ANO10: variants seen among roughly 807,000 people sequenced by gnomAD.
ANO10 encodes the protein anoctamin-10.
ANO10 carries 77 observed loss-of-function variants against 74.7 expected under a neutral mutation model. The ratio of observed to expected loss-of-function variants is 1.03; its 90% CI spans 0.86 to 1.25. ANO10 has a LOEUF of 1.25. Among genes scored for constraint, ANO10 ranks in the 50% most tolerant of loss-of-function variants. The probability of loss-of-function intolerance (pLI) is 0.00; values close to 1 mark genes in which losing one functional copy is unlikely to be tolerated. For synonymous variants in ANO10, 279 were observed against 284.9 expected (o/e 0.98, Z 0.21); for missense variants, 721 against 778.1 (o/e 0.93, Z 0.87).
At chr3:43,566,200 C>T (rs370159604) in intron 7 of ANO10, among the ~76,000 whole-genome samples, 1 of 152,188 alleles carries the variant, frequency 6.6e-6, no homozygotes, top group East Asian at 1.9e-4. Flanking sequence ...CACGGAGTCT[C>T]GCTGATTGCT....
rs558628834 is a variant in ANO10, at chr3:43,656,800, C to T, written c.-12+34717G>A. 3.9e-5 allele frequency among the ~76,000 whole-genome samples: 6 copies of T among 152,338 alleles called. No individual in the cohort carries two copies. In the South Asian group the frequency reaches 6.2e-4, roughly 16 times the overall value. ...TGCACACAGCCCGGGTTCCTGCTCG[C>T]GCCTCTCCCTCCACACCTCCCTGCA... is the stretch of plus-strand genomic sequence containing the variant. On this transcript the variant is annotated intron_variant, in intron 1 of 3. Transcript: ENST00000413397.
rs371985258 is a variant in ANO10 at position 43,469,038 on chromosome 3, C to CTTTTTTT, written c.1798-36318_1798-36312dup. On this transcript the variant is annotated intron_variant, in intron 11 of 12. Transcript: ENST00000292246. Reference sequence around the variant, plus strand: ...TTTTCAATCCTACATCAATTAGCTGCTTTTTTTTTTTTTTTTTTTTTTGAG... The same window carrying CTTTTTTT: ...TTTTCAATCCTACATCAATTAGCTGCTTTTTTTTTTTTTTTTTTTTTTTTTTTTTGAG... 3.3e-4 allele frequency among the ~76,000 whole-genome samples: 23 copies of CTTTTTTT among 70,362 alleles called. 1 individual carries two copies. Among genetic ancestry groups the CTTTTTTT allele is most frequent in the Non-Finnish European group, 3.9e-4 (16 of 40,918 alleles). The allele number at this position is 70,362 out of a possible 152,430, so 46.2% of individuals were successfully genotyped here.
chr3:43,432,449 T>TTA (rs2092997206), intron 12 of ANO10, among the ~76,000 whole-genome samples, 162 bp downstream of exon 12: 1 of 152,204 alleles, frequency 6.6e-6, no homozygotes, highest in Admixed American at 6.5e-5. Flanking sequence ...GCTCATATTG[T>TTA]TAGGATTTTG....
upstream of ANO10, among the ~76,000 whole-genome samples, chr3:43,624,514 C>G (rs1482064360): frequency 6.6e-6 from 1 of 152,166 alleles, no homozygotes; most frequent in Admixed American, 6.5e-5. Flanking sequence ...GCATCTTGCT[C>G]TCTCTCTGTT....
chr3:43,415,286 T>A (rs2092721759), intron 12 of ANO10, among the ~76,000 whole-genome samples: 1 of 151,716 alleles, frequency 6.6e-6, no homozygotes, highest in South Asian at 2.1e-4. Context: ...TGTGCCCATT[T>A]TACAGAGGAA....
intron 11 of ANO10, among the ~76,000 whole-genome samples, chr3:43,462,492 A>G (rs912728776): frequency 1.3e-5 from 2 of 152,132 alleles, no homozygotes; most frequent in African/African-American, 4.8e-5. Context: ...CGGCCTCCCA[A>G]AGTGGTGGGA....
At position 43,593,832 on chromosome 3, in the gene ANO10, C is replaced by T. The variant is rs7625580; in HGVS notation, c.472+4700G>A. 9.2e-3 allele frequency among the ~76,000 whole-genome samples: 1,402 copies of T among 152,230 alleles called. 16 individuals are homozygous for T. Among genetic ancestry groups the T allele is most frequent in the African/African-American group, 0.028 (1,179 of 41,522 alleles). ...CAGACTGGCAAATTGGATAAAGAGT[C>T]GAGACCCATCAGTATGCTGTATTCA... On this transcript the variant is annotated intron_variant, in intron 4 of 12. Transcript: ENST00000292246.
At chr3:43,530,890 GTA>G (rs749489368) in intron 11 of ANO10, among the ~76,000 whole-genome samples, 5 of 152,082 alleles carry the variant, frequency 3.3e-5, no homozygotes, top group Non-Finnish European at 5.9e-5. Context: ...GTGTGTGTGT[GTA>G]TGTGTGTGTG....
At chr3:43,451,314 C>T (rs2074858636) in intron 11 of ANO10, among the ~76,000 whole-genome samples, 1 of 152,216 alleles carries the variant, frequency 6.6e-6, no homozygotes, top group Non-Finnish European at 1.5e-5. Context: ...CCTGAGGCTG[C>T]TGTACCCACC....
At chr3:43,372,631 T>A (rs1231474851) in intron 12 of ANO10, 7 of 509,610 alleles carry the variant, frequency 1.4e-5, no homozygotes, top group Non-Finnish European at 2.5e-5. Flanking sequence ...CCCGTCACCA[T>A]CCCATCCCTC....
At position 43,415,529 on chromosome 3, in the gene ANO10, TTTTC is replaced by T. The variant is rs559233670; in HGVS notation, c.1914+17078_1914+17081del. 6.4e-3 allele frequency among the ~76,000 whole-genome samples: 969 copies of T among 151,864 alleles called. 8 individuals are homozygous for T. Among genetic ancestry groups the T allele is most frequent in the African/African-American group, 0.019 (783 of 41,350 alleles). ...GTGAATAAAAATGACAGTTCTTATT[TTTTC>T]TTTCTTTCTTTCTTTTTTTTTTGAG... On this transcript the variant is annotated intron_variant, in intron 12 of 12. Coordinates refer to ENST00000292246, the MANE Select transcript of ANO10 (RefSeq NM_018075.5).
At chr3:43,484,463 C>A (rs1188912634) in intron 11 of ANO10, among the ~76,000 whole-genome samples, 1 of 152,096 alleles carries the variant, frequency 6.6e-6, no homozygotes, top group East Asian at 1.9e-4. Flanking sequence ...GATGCAAATT[C>A]CCCCCACAAG....
chr3:43,565,986 T>C (rs1400756596), intron 7 of ANO10, among the ~76,000 whole-genome samples: 2 of 152,008 alleles, frequency 1.3e-5, no homozygotes, highest in Non-Finnish European at 2.9e-5. Flanking sequence ...GCGCACCGTG[T>C]GCGAGCCGAA....
chr3:43,484,901 T>C (rs1174445198), intron 11 of ANO10: 3 of 666,264 alleles, frequency 4.5e-6, no homozygotes, highest in Non-Finnish European at 7.6e-6. Flanking sequence ...GCATTTACAG[T>C]TTATGTCTTT....
chr3:43,566,711 G>C (rs1029768156), intron 7 of ANO10, among the ~76,000 whole-genome samples: 2 of 152,168 alleles, frequency 1.3e-5, no homozygotes, highest in Admixed American at 1.3e-4. Flanking sequence ...AAGACCAAAA[G>C]TAGATAAAAC....
chr3:43,470,015 T>C (rs1447393250), intron 11 of ANO10, among the ~76,000 whole-genome samples: 2 of 152,228 alleles, frequency 1.3e-5, no homozygotes, highest in Non-Finnish European at 1.5e-5. Context: ...ATTGGAGTTG[T>C]ATTTTAAAAA....
intron 1 of ANO10, among the ~76,000 whole-genome samples, chr3:43,641,926 CACATACAG>C (rs1387036165): frequency 6.6e-6 from 1 of 152,140 alleles, no homozygotes; most frequent in Non-Finnish European, 1.5e-5. Context: ...CCCACCCACC[CACATACAG>C]ACATACACAG....
At chr3:43,402,812 C>T (rs113130724) in intron 12 of ANO10, among the ~76,000 whole-genome samples, 3 of 152,274 alleles carry the variant, frequency 2.0e-5, no homozygotes, top group African/African-American at 7.2e-5. Flanking sequence ...AACAACTGAA[C>T]AGTAGACCAC....
chr3:43,472,937 T>C (rs1453053542), intron 11 of ANO10, among the ~76,000 whole-genome samples: 1 of 152,220 alleles, frequency 6.6e-6, no homozygotes, highest in Non-Finnish European at 1.5e-5. Flanking sequence ...TATGTGCATG[T>C]ATATACATAA....
Sources: allele counts gnomAD v4.1 joint callset (sites outside exome capture counted in the v4.1 genomes callset), GRCh38; gene constraint gnomAD v4.1.1; transcripts MANE v1.5; gene names NCBI Gene and HGNC (gene_info 2026-07-23, HGNC 2026-07-21).